Variants in NALF2 observed in about 807,000 individuals in gnomAD.
NALF2 encodes bB57D9.1 (TED protein).
NALF2 carries 1 observed loss-of-function variant against 24.8 expected under a neutral mutation model. The ratio of observed to expected loss-of-function variants is 0.04; its 90% confidence interval spans 0.01 to 0.19. NALF2 has a LOEUF of 0.19. Among genes scored for constraint, NALF2 ranks in the 10% least tolerant of loss-of-function variants. NALF2 has a pLI of 1.00. For missense variants in NALF2, 458 were observed against 409.6 expected, an observed-to-expected ratio of 1.12 and a Z score of -1.02; for synonymous variants, 254 against 189.8, an observed-to-expected ratio of 1.34 and a Z score of -2.78.
chrX:69,516,877 C>T (rs1393441144), intron 1 of NALF2, among the ~76,000 whole-genome samples: 1 of 111,628 alleles, frequency 9.0e-6, no homozygotes, highest in Non-Finnish European at 1.9e-5. Context: ...ATTTGTAGCA[C>T]CTAATATCCA....
rs1930426493 is a variant in NALF2, at chrX:69,504,798, G to T, written c.-485G>T. Among the ~76,000 whole-genome samples, 3 of 108,841 alleles carry T rather than the reference G, an allele frequency of 2.8e-5. No homozygotes were observed. Among genetic ancestry groups the T allele is most frequent in the African/African-American group, 9.8e-5 (3 of 30,591 alleles). 94.5% of individuals were successfully genotyped at this position (108,841 alleles called of 115,157 possible). A position where few individuals can be genotyped will look rare whatever the true frequency, so the allele number is the denominator to read the frequency against. On this transcript the variant is annotated 5_prime_UTR_variant, in exon 1 of 3. Coordinates refer to ENST00000252338, the MANE Select transcript of NALF2 (RefSeq NM_015686.3). ...GGAGCGGAGCGGCGCGGGGCGAGGG[G>T]AGCGGAGCGGAGCGCGGCGGCGGGG...
rs1292807870 is a variant in NALF2 at position 69,504,891 on chromosome X, G to A, written c.-392G>A. Among the ~76,000 whole-genome samples the A allele has an allele frequency of 2.8e-5, 3 of 107,504 alleles. No homozygotes were observed. The highest frequency in any genetic ancestry group is 3.9e-5 in the Non-Finnish European group (2 of 51,200). 93.4% of individuals were successfully genotyped at this position (107,504 alleles called of 115,157 possible). ...AGACGGCCGGTTTGGAGTGCGAGCC[G>A]GGCGGCCGCCGGCGCGGAGTGAAGT... On this transcript the variant is annotated 5_prime_UTR_variant, in exon 1 of 3. Coordinates refer to ENST00000252338, the MANE Select transcript of NALF2 (RefSeq NM_015686.3).
At chrX:69,511,122 C>G (rs1930575559) in intron 1 of NALF2, among the ~76,000 whole-genome samples, 1 of 110,255 alleles carries the variant, frequency 9.1e-6, no homozygotes. Context: ...GTCCTCCAAC[C>G]CCTGCCCCTC....
At chrX:69,521,165 C>T (rs140044472) in intron 1 of NALF2, among the ~76,000 whole-genome samples, 1,548 of 112,045 alleles carry the variant, frequency 0.014, 13 homozygotes, top group Middle Eastern at 0.046. Context: ...TCCCACTTTG[C>T]GCCCTCTAAC....
At chrX:69,527,376 CTT>C (rs974868728) in intron 1 of NALF2, among the ~76,000 whole-genome samples, 1 of 112,398 alleles carries the variant, frequency 8.9e-6, no homozygotes, top group Non-Finnish European at 1.9e-5. Flanking sequence ...TACCTCCCTG[CTT>C]TGGAAAAGGC....
chrX:69,523,706 T>TC (rs1021977743), intron 1 of NALF2, among the ~76,000 whole-genome samples: 3 of 103,794 alleles, frequency 2.9e-5, no homozygotes, highest in Non-Finnish European at 6.0e-5. Flanking sequence ...ACCCCACCCA[T>TC]CCCCCGCTGC....
At chrX:69,528,657 C>T (rs1930844375) in intron 1 of NALF2, among the ~76,000 whole-genome samples, 1 of 112,217 alleles carries the variant, frequency 8.9e-6, no homozygotes, top group African/African-American at 3.2e-5. Flanking sequence ...CAGATACTTC[C>T]TTGGACCAAG....
chrX:69,516,789 A>G (rs1432423920), intron 1 of NALF2, among the ~76,000 whole-genome samples: 1 of 111,484 alleles, frequency 9.0e-6, no homozygotes, highest in Non-Finnish European at 1.9e-5. Flanking sequence ...TCCATCTCTC[A>G]GGGTGTGTGT....
chrX:69,509,208 T>C (rs1930543577), intron 1 of NALF2, among the ~76,000 whole-genome samples: 1 of 110,822 alleles, frequency 9.0e-6, no homozygotes, highest in African/African-American at 3.3e-5. Context: ...ACTCCCAGGG[T>C]CATGCCTCAC....
In NALF2 at chrX:69,504,701, A is replaced by ACCGG. The variant is rs1193258018; in HGVS notation, c.-571_-568dup. On this transcript the variant is annotated 5_prime_UTR_variant, in exon 1 of 3. Transcript: ENST00000252338. ...CGAAGCCCGAAGGGCCCGGCAACGG[A>ACCGG]CCGGCCGGCCGGCCTAGGAGGGCGC... is the stretch of plus-strand genomic sequence containing the variant. 9.0e-6 allele frequency among the ~76,000 whole-genome samples: 1 copy of ACCGG among 111,340 alleles called. No individual in the cohort carries two copies. The highest frequency in any genetic ancestry group is 3.2e-5 in the African/African-American group (1 of 30,873).
In NALF2 at chrX:69,529,631, C is replaced by T; in HGVS notation, c.1094C>T (p.Ser365Phe). The change falls in exon 3 of 3, where the codon TCC becomes TTC. Residue 365 changes from serine to phenylalanine, a missense_variant. Ser to Phe is a radical substitution (Grantham distance 155). Transcript: ENST00000252338. ...ETKCCDVQWVSCEAKKKKFKE... is the reference protein window; with the variant it reads ...ETKCCDVQWVFCEAKKKKFKE... Reference sequence around the variant, plus strand: ...AAGTGCTGTGACGTGCAGTGGGTCTCCTGTGAGGCGAAGAAGAAGAAGTTC... The same window carrying T: ...AAGTGCTGTGACGTGCAGTGGGTCTTCTGTGAGGCGAAGAAGAAGAAGTTC... The T allele has an allele frequency of 8.3e-7, 1 of 1,211,111 alleles. No homozygotes were observed. Among genetic ancestry groups the T allele is most frequent in the South Asian group, 1.8e-5 (1 of 56,733 alleles).
In NALF2 at chrX:69,504,502, G is replaced by C. The variant is rs968419670; in HGVS notation, c.-781G>C. ...CGCTGGGCTGCAGCCACAGCGGTGCGAACGAGAGGCGGAAGCGAGAGGCGC... is the reference window on the plus strand; with the variant it reads ...CGCTGGGCTGCAGCCACAGCGGTGCCAACGAGAGGCGGAAGCGAGAGGCGC... On this transcript the variant is annotated 5_prime_UTR_variant, in exon 1 of 3. Transcript: ENST00000252338. 3.5e-5 allele frequency among the ~76,000 whole-genome samples: 4 copies of C among 113,531 alleles called. No individual in the cohort carries two copies. Among genetic ancestry groups the C allele is most frequent in the Admixed American group, 9.2e-5 (1 of 10,924 alleles).
intron 1 of NALF2, among the ~76,000 whole-genome samples, chrX:69,516,626 A>G (rs748764368): frequency 1.3e-4 from 15 of 112,073 alleles, no homozygotes; most frequent in Non-Finnish European, 2.8e-4. Flanking sequence ...AGGAGAACTC[A>G]TGTTCTGAGG....
intron 1 of NALF2, among the ~76,000 whole-genome samples, chrX:69,527,684 A>G (rs1930827217): frequency 1.8e-5 from 2 of 112,074 alleles, no homozygotes; most frequent in Admixed American, 1.9e-4. Flanking sequence ...AGGAACAACA[A>G]TGAACCTAGA....
At position 69,529,097 on chromosome X, in the gene NALF2, G is replaced by C; in HGVS notation, c.966G>C (p.Arg322=). Residue 322 remains arginine, a synonymous_variant, in exon 2 of 3, where the codon CGG becomes CGC. Transcript: ENST00000252338. ...CKQYCLEVQT[R]CPFILPDNEE... ...AATACTGCCTGGAGGTGCAGACCCG[G>C]TGCCCCTTTATACTCCCCGACAATG... 2 of 1,211,137 alleles carry C rather than the reference G, an allele frequency of 1.7e-6. No homozygotes were observed. The highest frequency in any genetic ancestry group is 2.2e-6 in the Non-Finnish European group (2 of 895,143).
intron 1 of NALF2, among the ~76,000 whole-genome samples, chrX:69,528,696 T>C (rs978725269): frequency 2.7e-5 from 3 of 112,238 alleles, no homozygotes; most frequent in Non-Finnish European, 5.6e-5. Context: ...CATGGAATGA[T>C]TGGCAAGGCT....
In NALF2 at chrX:69,504,489, G is replaced by A. The variant is rs1199190087; in HGVS notation, c.-794G>A. Among the ~76,000 whole-genome samples the A allele has an allele frequency of 3.5e-5, 4 of 113,549 alleles. No homozygotes were observed. In the Admixed American group the frequency reaches 3.7e-4, roughly 10 times the overall value. On this transcript the variant is annotated 5_prime_UTR_variant, in exon 1 of 3. Coordinates refer to ENST00000252338, the MANE Select transcript of NALF2 (RefSeq NM_015686.3). ...CACGGGGCCGTGCCGCTGGGCTGCAGCCACAGCGGTGCGAACGAGAGGCGG... is the reference window on the plus strand; with the variant it reads ...CACGGGGCCGTGCCGCTGGGCTGCAACCACAGCGGTGCGAACGAGAGGCGG...
chrX:69,531,894 T>C lies in NALF2; in HGVS notation c.*1938T>C, dbSNP rs1602200366. The C allele has an allele frequency of 8.9e-6, 1 of 111,736 alleles. No individual in the cohort carries two copies. The highest frequency in any genetic ancestry group is 2.8e-4 in the East Asian group (1 of 3,512). 9.2% of individuals were successfully genotyped at this position (111,736 alleles called of 1,213,427 possible). A position where few individuals can be genotyped will look rare whatever the true frequency, so the allele number is the denominator to read the frequency against. On this transcript the variant is annotated 3_prime_UTR_variant, in exon 3 of 3. Transcript: ENST00000252338. The stretch of plus-strand genomic sequence containing the variant: ...GCTCCTTTCCAGACATGCTTATGTA[T>C]AAGTAAAGGGGCAGGTGCTTGGGCT...
In NALF2 at chrX:69,504,387, C is replaced by T. The variant is rs774661090; in HGVS notation, c.-896C>T. 3.5e-5 allele frequency among the ~76,000 whole-genome samples: 4 copies of T among 113,355 alleles called. No individual in the cohort carries two copies. In the East Asian group the frequency reaches 1.1e-3, roughly 32 times the overall value. On this transcript the variant is annotated 5_prime_UTR_variant, in exon 1 of 3. Coordinates refer to ENST00000252338, the MANE Select transcript of NALF2 (RefSeq NM_015686.3). ...TCCGCCCTGCTCCCCGCCAAACACA[C>T]TTGCACAGGGGCTCTCAAGGTGTTC...
Sources: gnomAD v4.1 joint callset for allele counts (sites outside exome capture counted in the v4.1 genomes callset) on GRCh38, gnomAD v4.1.1 for gene constraint, MANE v1.5 for transcripts, NCBI Gene and HGNC (gene_info 2026-07-23, HGNC 2026-07-21) for gene names.